The following CHMP3 variants were observed in gnomAD, a reference collection of about 807,000 sequenced individuals.
The protein encoded by CHMP3 is 25.1 protein.
CHMP3 carries 8 observed loss-of-function variants against 27.4 expected under a neutral mutation model. The ratio of observed to expected loss-of-function variants is 0.29; its 90% confidence interval spans 0.17 to 0.53. The LOEUF (loss-of-function observed/expected upper bound fraction) is 0.53, where lower values mean the gene tolerates loss of function less well. Ranked by LOEUF, CHMP3 falls within the 20% of genes least tolerant of loss-of-function variation. The probability of loss-of-function intolerance (pLI) is 0.96; values close to 1 mark genes in which losing one functional copy is unlikely to be tolerated. For missense variants in CHMP3, 208 were observed against 271.5 expected (o/e 0.77, Z 1.64); for synonymous variants, 86 against 85.5 (o/e 1.01, Z -0.03).
Position 86,563,416 on chromosome 2 carries a change from C to A in CHMP3, c.-68G>T. 1.5e-5 allele frequency: 23 copies of A among 1,574,018 alleles called. No homozygotes were observed. The highest frequency in any genetic ancestry group is 1.9e-5 in the Non-Finnish European group (22 of 1,155,876). ...CGCGCCCAGGCAGGTCACGGGCAGC[C>A]GCCTGGGCGGGGCCCGCGGAAAAGG... is the stretch of plus-strand genomic sequence containing the variant. On this transcript the variant is annotated 5_prime_UTR_variant, in exon 1 of 6. Coordinates refer to ENST00000263856, the MANE Select transcript of CHMP3 (RefSeq NM_016079.4).
intron 1 of CHMP3, among the ~76,000 whole-genome samples, chr2:86,544,330 T>C (rs193041437): frequency 1.3e-5 from 2 of 151,778 alleles, no homozygotes; most frequent in Non-Finnish European, 2.9e-5. Flanking sequence ...ACTGTTTTGA[T>C]TTACATTTTC....
rs1327456483 is a variant in CHMP3 at position 86,505,811 on chromosome 2, C to T, written c.662G>A (p.Arg221His). The T allele has an allele frequency of 3.2e-6, 5 of 1,582,634 alleles. No homozygotes were observed. The highest frequency in any genetic ancestry group is 4.3e-6 in the Non-Finnish European group (5 of 1,163,862). The change falls in exon 6 of 6, where the codon CGC becomes CAC. Residue 221 changes from arginine to histidine, a missense_variant. By Grantham distance (29) the Arg-to-His change is conservative (BLOSUM62 0). Coordinates refer to ENST00000263856, the MANE Select transcript of CHMP3 (RefSeq NM_016079.4). Reference protein sequence around the residue: ...EAMQSRLATLRS With the variant: ...EAMQSRLATLHS ...CAGCGGGGTAGGCAGCCCCTAGCTGCGGAGTGTGGCCAGCCGGGACTGCAT... is the reference window on the plus strand; with the variant it reads ...CAGCGGGGTAGGCAGCCCCTAGCTGTGGAGTGTGGCCAGCCGGGACTGCAT...
In CHMP3 at chr2:86,563,385, G is replaced by A. The variant is rs746681140; in HGVS notation, c.-37C>T. On this transcript the variant is annotated 5_prime_UTR_variant, in exon 1 of 6. Coordinates refer to ENST00000263856, the MANE Select transcript of CHMP3 (RefSeq NM_016079.4). ...CCCGTCTTGCCCCTTCCGGCTTTCA[G>A]TTCCCCGCGCCCAGGCAGGTCACGG... 6.2e-7 allele frequency: 1 copy of A among 1,607,492 alleles called. No individual in the cohort carries two copies. The highest frequency in any genetic ancestry group is 8.5e-7 in the Non-Finnish European group (1 of 1,177,614).
chr2:86,520,879 C>T (rs1675494978), intron 3 of CHMP3, among the ~76,000 whole-genome samples: 1 of 152,162 alleles, frequency 6.6e-6, no homozygotes, highest in Admixed American at 6.5e-5. Flanking sequence ...CCATCGCATC[C>T]CCTGTGACTT....
intron 1 of CHMP3, among the ~76,000 whole-genome samples, chr2:86,556,819 A>G (rs2104051482): frequency 6.6e-6 from 1 of 152,292 alleles, no homozygotes; most frequent in African/African-American, 2.4e-5. Flanking sequence ...CTGGTCCCCT[A>G]GCCCGCTTTT....
intron 2 of CHMP3, among the ~76,000 whole-genome samples, chr2:86,532,312 G>T (rs1216037818): frequency 6.6e-6 from 1 of 152,120 alleles, no homozygotes; most frequent in Non-Finnish European, 1.5e-5. Flanking sequence ...GCTGCTTAAT[G>T]AATTTATTAG....
intron 2 of CHMP3, among the ~76,000 whole-genome samples, chr2:86,530,616 T>C (rs969778307): frequency 6.6e-6 from 1 of 152,246 alleles, no homozygotes; most frequent in African/African-American, 2.4e-5. Context: ...TACTTCCAAC[T>C]TTTAGCTATT....
intron 3 of CHMP3, among the ~76,000 whole-genome samples, chr2:86,518,293 A>G (rs1336969626): frequency 6.6e-6 from 1 of 152,200 alleles, no homozygotes; most frequent in Non-Finnish European, 1.5e-5. Context: ...AATCTCTAAC[A>G]CATAATAATA....
intron 1 of CHMP3, among the ~76,000 whole-genome samples, chr2:86,549,772 C>A (rs895001842): frequency 6.6e-6 from 1 of 150,596 alleles, no homozygotes; most frequent in African/African-American, 2.5e-5. Flanking sequence ...AGGCGCTCCT[C>A]GCCTCCCAGA....
chr2:86,560,229 C>T (rs188319410), intron 1 of CHMP3, among the ~76,000 whole-genome samples: 1,543 of 152,004 alleles, frequency 0.01, 24 homozygotes, highest in African/African-American at 0.036. Context: ...CGCGCCACTG[C>T]ACTGCCTGGG....
At chr2:86,519,968 G>A (rs937484453) in intron 3 of CHMP3, among the ~76,000 whole-genome samples, 2 of 152,036 alleles carry the variant, frequency 1.3e-5, no homozygotes, top group African/African-American at 2.4e-5. Context: ...TGCAAAATCC[G>A]TTTATTTAAC....
chr2:86,530,488 T>A (rs563756655), intron 2 of CHMP3, among the ~76,000 whole-genome samples: 1 of 152,284 alleles, frequency 6.6e-6, no homozygotes, highest in South Asian at 2.1e-4. Flanking sequence ...AAGCATAATA[T>A]TTTTAAGGTT....
At chr2:86,563,265 C>G (rs374271187) in intron 1 of CHMP3, 39 bp downstream of exon 1, 7 of 1,612,426 alleles carry the variant, frequency 4.3e-6, no homozygotes, top group African/African-American at 1.3e-5. Flanking sequence ...ACGCCCCACA[C>G]AGATCCACCC....
chr2:86,534,745 T>C (rs959457448), intron 2 of CHMP3, among the ~76,000 whole-genome samples: 1 of 152,226 alleles, frequency 6.6e-6, no homozygotes, highest in Non-Finnish European at 1.5e-5. Context: ...TTATTTAAAA[T>C]CTATTTTATC....
At chr2:86,540,626 T>C (rs890473088) in intron 2 of CHMP3, 2 of 152,160 alleles carry the variant, frequency 1.3e-5, no homozygotes, top group Admixed American at 1.3e-4. Context: ...TTGTTTTCTG[T>C]AGTGTCTAAT....
At chr2:86,510,269 T>TG in intron 4 of CHMP3, 89 bp downstream of exon 4, 41 of 1,369,578 alleles carry the variant, frequency 3.0e-5, no homozygotes, top group Middle Eastern at 2.3e-4. Flanking sequence ...AGTCTGTTCA[T>TG]CCCCACCCAC....
At chr2:86,548,586 C>T (rs1676711092) in intron 1 of CHMP3, among the ~76,000 whole-genome samples, 2 of 152,140 alleles carry the variant, frequency 1.3e-5, no homozygotes, top group African/African-American at 4.8e-5. Context: ...ATGTCTCCTT[C>T]TTTCTACACA....
At chr2:86,556,753 G>A (rs556476779) in intron 1 of CHMP3, among the ~76,000 whole-genome samples, 104 of 152,270 alleles carry the variant, frequency 6.8e-4, no homozygotes, top group Non-Finnish European at 1.1e-3. Flanking sequence ...TACTCGCAGC[G>A]CCGGCTTGTC....
At chr2:86,544,856 C>T (rs1289646128) in intron 1 of CHMP3, among the ~76,000 whole-genome samples, 2 of 152,218 alleles carry the variant, frequency 1.3e-5, no homozygotes, top group African/African-American at 2.4e-5. Context: ...GCTGTCTCTT[C>T]GGAGCTGTTG....
Sources: gnomAD v4.1 joint callset for allele counts (sites outside exome capture counted in the v4.1 genomes callset) on GRCh38, gnomAD v4.1.1 for gene constraint, MANE v1.5 for transcripts, NCBI Gene and HGNC (gene_info 2026-07-23, HGNC 2026-07-21) for gene names.